The following IL1RAPL2 variants were observed in gnomAD, a reference collection of about 807,000 sequenced individuals.
The protein encoded by IL1RAPL2 is interleukin 1 receptor accessory protein like 2.
A neutral mutation model predicts 44.1 loss-of-function variants in IL1RAPL2; 3 were observed. That is an observed-to-expected ratio of 0.07 (90% CI 0.03 to 0.18). IL1RAPL2 has a LOEUF of 0.18. Among genes scored for constraint, IL1RAPL2 ranks in the 10% least tolerant of loss-of-function variants. The probability of loss-of-function intolerance (pLI) is 1.00; values close to 1 mark genes in which losing one functional copy is unlikely to be tolerated. For synonymous variants in IL1RAPL2, 181 were observed against 178.8 expected (o/e 1.01, Z -0.10); for missense variants, 391 against 496.4 (o/e 0.79, Z 2.02).
intron 6 of IL1RAPL2, among the ~76,000 whole-genome samples, chrX:105,595,593 TTTG>T (rs776601669): frequency 0.017 from 1,900 of 110,796 alleles, 32 homozygotes; most frequent in African/African-American, 0.06. Flanking sequence ...TGTAGTGTTT[TTTG>T]TTGTTGTTGT....
At chrX:105,589,044 A>G (rs1189166081) in intron 6 of IL1RAPL2, among the ~76,000 whole-genome samples, 2 of 111,783 alleles carry the variant, frequency 1.8e-5, no homozygotes, top group African/African-American at 3.3e-5. Flanking sequence ...CCTTGCCAAC[A>G]TCTGTTAATT....
chrX:104,646,500 G>C (rs192916789), intron 1 of IL1RAPL2, among the ~76,000 whole-genome samples: 1 of 111,517 alleles, frequency 9.0e-6, no homozygotes, highest in Non-Finnish European at 1.9e-5. Flanking sequence ...TATGCAGAAA[G>C]TATACTATTT....
chrX:104,891,614 A>G (rs1340287526), intron 2 of IL1RAPL2, among the ~76,000 whole-genome samples: 1 of 111,938 alleles, frequency 8.9e-6, no homozygotes, highest in Admixed American at 9.5e-5. Flanking sequence ...TTGATGTATA[A>G]GAATGCTTGT....
chrX:104,634,162 G>C (rs1422253247), intron 1 of IL1RAPL2, among the ~76,000 whole-genome samples: 6 of 111,546 alleles, frequency 5.4e-5, no homozygotes, highest in Admixed American at 9.5e-5. Context: ...TTTTGAGTGA[G>C]TTTCTTAATC....
intron 2 of IL1RAPL2, among the ~76,000 whole-genome samples, chrX:104,669,143 C>T (rs184469127): frequency 7.2e-5 from 8 of 111,475 alleles, no homozygotes; most frequent in African/African-American, 2.3e-4. Context: ...GCATTTCGCC[C>T]TCCCCAAGGC....
chrX:105,098,933 C>T (rs1200845314), intron 2 of IL1RAPL2, among the ~76,000 whole-genome samples: 3 of 112,096 alleles, frequency 2.7e-5, no homozygotes, highest in Non-Finnish European at 3.8e-5. Context: ...AGAGTGAGAT[C>T]GTTTAGGAGA....
At chrX:104,986,760 G>T (rs1484124080) in intron 2 of IL1RAPL2, among the ~76,000 whole-genome samples, 1 of 112,279 alleles carries the variant, frequency 8.9e-6, no homozygotes, top group East Asian at 2.8e-4. Flanking sequence ...CATTTTGACA[G>T]GCTTTAAGAT....
intron 1 of IL1RAPL2, among the ~76,000 whole-genome samples, chrX:104,595,639 A>T (rs1170690730): frequency 1.8e-5 from 2 of 112,013 alleles, no homozygotes; most frequent in Non-Finnish European, 3.8e-5. Context: ...TACCATTAGG[A>T]ATTAAAAGAT....
At chrX:104,788,629 A>C (rs180734750) in intron 2 of IL1RAPL2, among the ~76,000 whole-genome samples, 26 of 111,824 alleles carry the variant, frequency 2.3e-4, no homozygotes, top group African/African-American at 7.5e-4. Flanking sequence ...TGAATATTTG[A>C]AGTTTCTGAT....
At chrX:105,158,124 G>A (rs187279840) in intron 2 of IL1RAPL2, among the ~76,000 whole-genome samples, 34 of 111,307 alleles carry the variant, frequency 3.1e-4, no homozygotes, top group African/African-American at 1.1e-3. Flanking sequence ...GGCGGATCAC[G>A]AGGCGGGCGG....
At chrX:104,698,862 A>G (rs1260598587) in intron 2 of IL1RAPL2, among the ~76,000 whole-genome samples, 1 of 111,734 alleles carries the variant, frequency 8.9e-6, no homozygotes, top group Non-Finnish European at 1.9e-5. Context: ...TCAGGAAGAG[A>G]GGTATATTAG....
intron 2 of IL1RAPL2, among the ~76,000 whole-genome samples, chrX:104,975,687 A>G (rs2030319764): frequency 8.9e-6 from 1 of 112,421 alleles, no homozygotes; most frequent in African/African-American, 3.2e-5. Flanking sequence ...TCTTATTTCC[A>G]TTAGCTACCT....
intron 2 of IL1RAPL2, among the ~76,000 whole-genome samples, chrX:105,111,299 G>C (rs1198239059): frequency 9.0e-6 from 1 of 111,607 alleles, no homozygotes; most frequent in Non-Finnish European, 1.9e-5. Flanking sequence ...TGTTTTCTCT[G>C]CTTGTTGCAA....
chrX:105,404,410 C>G (rs2035627642), intron 5 of IL1RAPL2, among the ~76,000 whole-genome samples: 2 of 112,013 alleles, frequency 1.8e-5, no homozygotes, highest in African/African-American at 6.5e-5. Context: ...CATCACACCA[C>G]CATGGATTAG....
At chrX:104,710,003 T>A (rs1931430320) in intron 2 of IL1RAPL2, among the ~76,000 whole-genome samples, 1 of 111,153 alleles carries the variant, frequency 9.0e-6, no homozygotes, top group Non-Finnish European at 1.9e-5. Flanking sequence ...AGCAAAGTTG[T>A]GGGGAAATTA....
chrX:104,936,215 A>AGGCAGT (rs1438334205), intron 2 of IL1RAPL2, among the ~76,000 whole-genome samples: 2 of 112,007 alleles, frequency 1.8e-5, no homozygotes, highest in Non-Finnish European at 3.8e-5. Context: ...GCCATATACC[A>AGGCAGT]GGCAGTAGCG....
intron 6 of IL1RAPL2, among the ~76,000 whole-genome samples, chrX:105,606,027 A>G (rs767920570): frequency 8.9e-6 from 1 of 111,976 alleles, no homozygotes; most frequent in East Asian, 2.8e-4. Context: ...ACCTCAGGAC[A>G]TTGGTCTGAG....
chrX:104,772,630 G>C (rs910824387), intron 2 of IL1RAPL2, among the ~76,000 whole-genome samples: 2 of 111,876 alleles, frequency 1.8e-5, no homozygotes, highest in Non-Finnish European at 3.8e-5. Context: ...CATGTTTAAA[G>C]CACAGAGATG....
rs778270407 is a variant in IL1RAPL2, at chrX:104,976,470, AAAAT to A, written c.83-218997_83-218994del. Among the ~76,000 whole-genome samples, 7 of 112,129 alleles carry A rather than the reference AAAAT, an allele frequency of 6.2e-5. No individual in the cohort carries two copies. The East Asian group carries it at 1.1e-3, about 18-fold the overall frequency. ...TTTATTAAGCAAAGTGTAGAAGGAAAAAATAAATAAAGTAACAATAGGAAAAGAA... is the reference window on the plus strand; with the variant it reads ...TTTATTAAGCAAAGTGTAGAAGGAAAAAATAAAGTAACAATAGGAAAAGAA... On this transcript the variant is annotated intron_variant, in intron 2 of 10. Transcript: ENST00000372582.
Sources: allele counts gnomAD v4.1 joint callset (sites outside exome capture counted in the v4.1 genomes callset), GRCh38; gene constraint gnomAD v4.1.1; transcripts MANE v1.5; gene names NCBI Gene and HGNC (gene_info 2026-07-23, HGNC 2026-07-21).